The following COL15A1 variants were observed in gnomAD, a reference collection of about 807,000 sequenced individuals.
COL15A1 encodes the protein collagen alpha-1(XV) chain.
A neutral mutation model predicts 165.9 loss-of-function variants in COL15A1; 111 were observed. The observed-to-expected ratio is 0.67, with a 90% CI of 0.57 to 0.78. COL15A1 has a LOEUF of 0.78. Among genes scored for constraint, COL15A1 ranks in the 30% least tolerant of loss-of-function variants. The pLI, the probability that COL15A1 is intolerant of heterozygous loss-of-function variation, is 0.00. For missense variants in COL15A1, 1,745 were observed against 1,789.7 expected (o/e 0.98, Z 0.45); for synonymous variants, 659 against 674.8 (o/e 0.98, Z 0.36).
chr9:99,055,695 G>A (rs1314219690), intron 34 of COL15A1, among the ~76,000 whole-genome samples: 1 of 152,200 alleles, frequency 6.6e-6, no homozygotes, highest in African/African-American at 2.4e-5. Context: ...GAAGCAGAAT[G>A]GAAGGTAAGG....
At chr9:99,069,525 C>T in intron 41 of COL15A1, 148 bp from the exon 42 acceptor site, 2 of 1,014,728 alleles carry the variant, frequency 2.0e-6, no homozygotes, top group South Asian at 1.6e-5. Context: ...GTTAAGAAAG[C>T]TAGCAAGGGC....
chr9:99,064,978 C>T (rs192746515), intron 39 of COL15A1, among the ~76,000 whole-genome samples: 2 of 152,316 alleles, frequency 1.3e-5, no homozygotes, highest in Admixed American at 1.3e-4. Flanking sequence ...AACACACCTA[C>T]AATTTTATCA....
intron 7 of COL15A1, 80 bp downstream of exon 7, chr9:99,001,031 A>G: frequency 1.3e-6 from 1 of 748,794 alleles, no homozygotes; most frequent in South Asian, 1.5e-5. Context: ...GATTTTACTG[A>G]GCACCAGAGA....
At chr9:98,950,939 T>G (rs1564005032) in intron 2 of COL15A1, among the ~76,000 whole-genome samples, 1 of 152,160 alleles carries the variant, frequency 6.6e-6, no homozygotes, top group Non-Finnish European at 1.5e-5. Flanking sequence ...ACGTTGCGCA[T>G]TTTTTCAAGT....
At chr9:98,959,227 C>CAAAAAAAAAA (rs60892848) in intron 2 of COL15A1, among the ~76,000 whole-genome samples, 19 of 73,112 alleles carry the variant, frequency 2.6e-4, no homozygotes, top group East Asian at 4.3e-4. Flanking sequence ...CCTGTCTCTA[C>CAAAAAAAAAA]AAAAAAAAAA....
intron 9 of COL15A1, among the ~76,000 whole-genome samples, chr9:99,014,772 G>A (rs1361386262): frequency 1.3e-5 from 2 of 152,224 alleles, no homozygotes; most frequent in South Asian, 2.1e-4. Context: ...AGGGAGACAT[G>A]AGACATCAAT....
intron 35 of COL15A1, 89 bp from the exon 36 acceptor site, chr9:99,059,800 A>G: frequency 1.4e-6 from 2 of 1,450,636 alleles, no homozygotes; most frequent in Non-Finnish European, 1.9e-6. Context: ...AATGGGGTTG[A>G]ACACACTTCT....
intron 2 of COL15A1, among the ~76,000 whole-genome samples, chr9:98,956,464 C>A (rs552996547): frequency 1.3e-5 from 2 of 152,292 alleles, no homozygotes; most frequent in Non-Finnish European, 2.9e-5. Flanking sequence ...TGCATATCCA[C>A]ATACACACAT....
rs187953226 is a variant in COL15A1, at chr9:99,008,801, G to C, written c.1353+3751G>C. Among the ~76,000 whole-genome samples, 1,161 of 152,076 alleles carry C rather than the reference G, an allele frequency of 7.6e-3. 8 individuals are homozygous for C. Among genetic ancestry groups the C allele is most frequent in the Non-Finnish European group, 0.013 (894 of 67,988 alleles). ...ATTTTTGTATTTTTAGCAGAGATGG[G>C]GTTTCACCATGTTGGTCAGGCTGGT... On this transcript the variant is annotated intron_variant, in intron 9 of 41. Transcript: ENST00000375001.
At chr9:99,034,708 G>A (rs1839268208) in intron 17 of COL15A1, 124 bp downstream of exon 17, 1 of 1,435,234 alleles carries the variant, frequency 7.0e-7, no homozygotes, top group Admixed American at 2.8e-5. Context: ...GGAACAGAGA[G>A]GAACACATCT....
chr9:98,972,337 A>C (rs994973594), intron 2 of COL15A1, among the ~76,000 whole-genome samples: 3 of 152,060 alleles, frequency 2.0e-5, no homozygotes, highest in Non-Finnish European at 4.4e-5. Context: ...CCATAGGCCC[A>C]AGCAGGAGGG....
chr9:98,964,690 G>T (rs2118814710), intron 2 of COL15A1, among the ~76,000 whole-genome samples: 1 of 152,276 alleles, frequency 6.6e-6, no homozygotes, highest in South Asian at 2.1e-4. Flanking sequence ...CCTTTCCCAT[G>T]CCATCTTCCG....
chr9:98,965,607 A>C (rs1333654027), intron 2 of COL15A1, among the ~76,000 whole-genome samples: 1 of 152,150 alleles, frequency 6.6e-6, no homozygotes, highest in Admixed American at 6.5e-5. Context: ...CATCCTTGGA[A>C]TCACTCACTT....
rs566071775 is a variant in COL15A1 at position 98,967,981 on chromosome 9, G to C, written c.101-17584G>C. Among the ~76,000 whole-genome samples the C allele has an allele frequency of 5.3e-5, 8 of 152,322 alleles. No individual in the cohort carries two copies. In the South Asian group the frequency reaches 1.5e-3, roughly 28 times the overall value. On this transcript the variant is annotated intron_variant, in intron 2 of 41. Transcript: ENST00000375001. The stretch of plus-strand genomic sequence containing the variant: ...AATCTGCATCTCTAATAAGTCCCCA[G>C]ATACTGCTGCTGCTGGTCCAGAAAC...
At chr9:99,011,263 G>A (rs1241040999) in intron 9 of COL15A1, among the ~76,000 whole-genome samples, 1 of 151,748 alleles carries the variant, frequency 6.6e-6, no homozygotes, top group East Asian at 1.9e-4. Context: ...TCTCTGGAAA[G>A]ACCATTTTAA....
chr9:99,056,866 T>C (rs1487643376), intron 35 of COL15A1, among the ~76,000 whole-genome samples: 2 of 152,244 alleles, frequency 1.3e-5, no homozygotes, highest in Admixed American at 6.5e-5. Context: ...GGTTCACCCA[T>C]GTTGCAGCAC....
At chr9:98,953,965 G>A (rs1288871281) in intron 2 of COL15A1, among the ~76,000 whole-genome samples, 1 of 152,212 alleles carries the variant, frequency 6.6e-6, no homozygotes, top group Non-Finnish European at 1.5e-5. Flanking sequence ...GCTTCCTGCT[G>A]TCCCAGGCAC....
intron 3 of COL15A1, 145 bp from the exon 4 acceptor site, chr9:98,987,149 G>A: frequency 1.3e-6 from 1 of 756,860 alleles, no homozygotes; most frequent in Non-Finnish European, 2.2e-6. Flanking sequence ...AGGTGGCCTG[G>A]CTTCGTGGTT....
intron 4 of COL15A1, 58 bp downstream of exon 4, chr9:98,987,426 G>T: frequency 6.6e-7 from 1 of 1,507,084 alleles, no homozygotes; most frequent in South Asian, 1.2e-5. Flanking sequence ...GCAGCCTGGG[G>T]AGGGCTGGAT....
Sources: allele counts gnomAD v4.1 joint callset (sites outside exome capture counted in the v4.1 genomes callset), GRCh38; gene constraint gnomAD v4.1.1; transcripts MANE v1.5; gene names NCBI Gene and HGNC (gene_info 2026-07-23, HGNC 2026-07-21).